The following ELMO1 variants were observed in gnomAD, a reference collection of about 807,000 sequenced individuals.
ELMO1 encodes the protein engulfment and cell motility protein 1.
ELMO1 carries 26 observed loss-of-function variants against 98.9 expected under a neutral mutation model. That is an observed-to-expected ratio of 0.26 (90% CI 0.19 to 0.36). ELMO1 has a LOEUF of 0.36. Ranked by LOEUF, ELMO1 falls within the 10% of genes least tolerant of loss-of-function variation. ELMO1 has a pLI of 1.00. For missense variants in ELMO1, 627 were observed against 935.2 expected (o/e 0.67, Z 4.30); for synonymous variants, 346 against 346.0 (o/e 1.00, Z 0.00).
chr7:37,314,739 A>T, intron 4 of ELMO1, 111 bp downstream of exon 4: 1 of 887,846 alleles, frequency 1.1e-6, no homozygotes, highest in Non-Finnish European at 1.7e-6. Context: ...TTTCGTGGAT[A>T]GTAGAGACCT....
At chr7:36,928,662 C>G (rs574426994) in intron 16 of ELMO1, among the ~76,000 whole-genome samples, 1 of 152,090 alleles carries the variant, frequency 6.6e-6, no homozygotes, top group Admixed American at 6.6e-5. Context: ...AGGAGCAGGC[C>G]GAGTAAACTC....
chr7:37,212,016 G>T (rs191184877), intron 12 of ELMO1, among the ~76,000 whole-genome samples: 53 of 152,336 alleles, frequency 3.5e-4, no homozygotes, highest in African/African-American at 1.3e-3. Context: ...ACAAAATGTG[G>T]TGTGGACATA....
At chr7:37,369,790 C>T (rs1461729201) in intron 1 of ELMO1, among the ~76,000 whole-genome samples, 1 of 151,380 alleles carries the variant, frequency 6.6e-6, no homozygotes, top group African/African-American at 2.4e-5. Context: ...AAATAGAAAC[C>T]ACATATTGAG....
intron 1 of ELMO1, among the ~76,000 whole-genome samples, chr7:37,391,414 C>T (rs1803072749): frequency 6.6e-6 from 1 of 152,118 alleles, no homozygotes; most frequent in Non-Finnish European, 1.5e-5. Context: ...CCGCACCCAG[C>T]CCAGAAGTAG....
intron 13 of ELMO1, among the ~76,000 whole-genome samples, chr7:37,160,322 A>G (rs905922389): frequency 6.6e-6 from 1 of 152,212 alleles, no homozygotes; most frequent in African/African-American, 2.4e-5. Context: ...TCTCTAAGAA[A>G]TATTAATAGG....
chr7:36,904,945 C>A (rs1783847688), intron 16 of ELMO1, among the ~76,000 whole-genome samples: 1 of 152,208 alleles, frequency 6.6e-6, no homozygotes, highest in South Asian at 2.1e-4. Flanking sequence ...AAGGACTTGG[C>A]TGGACAACAG....
At chr7:37,188,536 A>G (rs1791385996) in intron 13 of ELMO1, among the ~76,000 whole-genome samples, 1 of 150,122 alleles carries the variant, frequency 6.7e-6, no homozygotes, top group Admixed American at 6.6e-5. Flanking sequence ...AACTAAGAGC[A>G]AGAGAAGACT....
intron 1 of ELMO1, among the ~76,000 whole-genome samples, chr7:37,433,031 T>C (rs1804995074): frequency 6.6e-6 from 1 of 152,206 alleles, no homozygotes; most frequent in South Asian, 2.1e-4. Context: ...CAGTAACTGT[T>C]GCCTCCTAGG....
intron 2 of ELMO1, among the ~76,000 whole-genome samples, chr7:37,338,337 T>C (rs1404755306): frequency 6.6e-6 from 1 of 152,154 alleles, no homozygotes; most frequent in Non-Finnish European, 1.5e-5. Context: ...CTGGCCCCCA[T>C]GGTGGTGGTA....
intron 13 of ELMO1, among the ~76,000 whole-genome samples, chr7:37,164,639 G>A (rs1789507319): frequency 1.3e-5 from 2 of 151,974 alleles, no homozygotes; most frequent in South Asian, 4.2e-4. Flanking sequence ...TCAAAGATCA[G>A]ATAGTTGTAG....
chr7:36,988,038 G>A (rs1387272280), intron 16 of ELMO1, among the ~76,000 whole-genome samples: 7 of 152,208 alleles, frequency 4.6e-5, no homozygotes, highest in African/African-American at 1.4e-4. Context: ...GATTACAGGC[G>A]GGAGCCACGA....
At chr7:37,370,631 A>C (rs1261043194) in intron 1 of ELMO1, among the ~76,000 whole-genome samples, 2 of 152,210 alleles carry the variant, frequency 1.3e-5, no homozygotes, top group African/African-American at 4.8e-5. Flanking sequence ...TTTCATGAAA[A>C]AACAAGAAGG....
rs185394337 is a variant in ELMO1 at position 36,889,769 on chromosome 7, T to G, written c.1602-2097A>C. Among the ~76,000 whole-genome samples the G allele has an allele frequency of 6.6e-5, 10 of 152,312 alleles. No homozygotes were observed. In the South Asian group the frequency reaches 2.1e-3, roughly 32 times the overall value. ...TCATCATGGAACCATATTCTGAGGA[T>G]GCACTATCAGAATAAGAGAATCTGC... On this transcript the variant is annotated intron_variant, in intron 17 of 21. Transcript: ENST00000310758.
intron 16 of ELMO1, among the ~76,000 whole-genome samples, chr7:36,923,136 CT>C (rs1785276743): frequency 6.6e-6 from 1 of 152,234 alleles, no homozygotes; most frequent in Non-Finnish European, 1.5e-5. Flanking sequence ...GGTTAGCTAT[CT>C]CACTGGACTG....
chr7:36,930,031 TACTGTGAGGAGC>T (rs1386120071), intron 16 of ELMO1, among the ~76,000 whole-genome samples: 1 of 152,236 alleles, frequency 6.6e-6, no homozygotes, highest in Non-Finnish European at 1.5e-5. Context: ...GTAGCACCCC[TACTGTGAGGAGC>T]ACTGGTCAAC....
intron 8 of ELMO1, among the ~76,000 whole-genome samples, chr7:37,226,797 A>G: frequency 6.6e-6 from 1 of 152,136 alleles, no homozygotes; most frequent in South Asian, 2.1e-4. Context: ...CATTCAGCCA[A>G]TATTTACTCA....
Position 37,267,038 on chromosome 7 carries a change from TACACACACACACAC to T in ELMO1, c.243+4780_243+4793del, listed in dbSNP as rs60344761. ...AAAAAAAAAAAAAAATATGTATATA[TACACACACACACAC>T]ACACACACACACACACACACACACA... is the stretch of plus-strand genomic sequence containing the variant. On this transcript the variant is annotated intron_variant, in intron 5 of 21. Transcript: ENST00000310758. 1.2e-3 allele frequency among the ~76,000 whole-genome samples: 121 copies of T among 100,316 alleles called. 2 individuals carry two copies. Among genetic ancestry groups the T allele is most frequent in the South Asian group, 4.4e-3 (13 of 2,928 alleles). 65.8% of individuals were successfully genotyped at this position (100,316 alleles called of 152,430 possible).
At chr7:36,928,722 G>A (rs1785781674) in intron 16 of ELMO1, among the ~76,000 whole-genome samples, 1 of 152,146 alleles carries the variant, frequency 6.6e-6, no homozygotes, top group Admixed American at 6.5e-5. Context: ...GGTCTAAAGT[G>A]CAGTCAGTCA....
chr7:36,985,845 CAGACAAT>C, intron 16 of ELMO1: 2 of 953,256 alleles, frequency 2.1e-6, no homozygotes, highest in Non-Finnish European at 2.5e-6. Flanking sequence ...GTTTTCTCGG[CAGACAAT>C]AGGACAAAGC....
Sources: allele counts gnomAD v4.1 joint callset (sites outside exome capture counted in the v4.1 genomes callset), GRCh38; gene constraint gnomAD v4.1.1; transcripts MANE v1.5; gene names NCBI Gene and HGNC (gene_info 2026-07-23, HGNC 2026-07-21).